Variants in PRDM5 observed in about 807,000 individuals in gnomAD.
PRDM5 encodes the protein PR domain zinc finger protein 5.
Under a neutral mutation model 81.2 loss-of-function variants are expected in PRDM5, and 56 were observed. The ratio of observed to expected loss-of-function variants is 0.69; its 90% CI spans 0.56 to 0.86. PRDM5 has a LOEUF of 0.86. Ranked by LOEUF, PRDM5 falls within the 40% of genes least tolerant of loss-of-function variation. The pLI is 0.00. For missense variants in PRDM5, 697 were observed against 770.1 expected, an observed-to-expected ratio of 0.91 and a Z score of 1.12; for synonymous variants, 267 against 256.4, an observed-to-expected ratio of 1.04 and a Z score of -0.39.
intron 2 of PRDM5, among the ~76,000 whole-genome samples, chr4:120,871,718 T>C (rs928402506): frequency 5.3e-5 from 8 of 151,834 alleles, no homozygotes; most frequent in African/African-American, 1.9e-4. Context: ...ATGCTAAGTA[T>C]CTTAAAATAT....
downstream of PRDM5, chr4:120,684,883 G>T (rs1021144155): frequency 9.2e-5 from 14 of 151,744 alleles, no homozygotes; most frequent in African/African-American, 3.1e-4. Context: ...TTTCAAAGAT[G>T]TAAACTTGTT....
chr4:120,826,810 A>G (rs1209570334), intron 3 of PRDM5, among the ~76,000 whole-genome samples: 1 of 152,140 alleles, frequency 6.6e-6, no homozygotes, highest in East Asian at 1.9e-4. Flanking sequence ...CCATTTCCTG[A>G]CAGACTGTAT....
intron 3 of PRDM5, chr4:120,839,294 G>A (rs1166348847): frequency 1.4e-6 from 1 of 703,028 alleles, no homozygotes. Flanking sequence ...GGAAAAATGA[G>A]GTATACAAAC....
At chr4:120,797,937 A>G (rs1365372310) in intron 10 of PRDM5, among the ~76,000 whole-genome samples, 3 of 152,216 alleles carry the variant, frequency 2.0e-5, no homozygotes, top group African/African-American at 7.2e-5. Flanking sequence ...CCCAAGGATG[A>G]AGAGAATTTC....
At chr4:120,863,301 G>T (rs187062509) in intron 2 of PRDM5, among the ~76,000 whole-genome samples, 1 of 150,288 alleles carries the variant, frequency 6.7e-6, no homozygotes, top group Non-Finnish European at 1.5e-5. Context: ...CTGCACACAG[G>T]TTCCTCCAGA....
At chr4:120,780,333 A>G (rs1482042002) in intron 12 of PRDM5, among the ~76,000 whole-genome samples, 2 of 152,120 alleles carry the variant, frequency 1.3e-5, no homozygotes, top group African/African-American at 4.8e-5. Context: ...AGTCTCAGCT[A>G]CTCGGGAGGT....
At chr4:120,728,499 G>A (rs570114800) in intron 14 of PRDM5, among the ~76,000 whole-genome samples, 15 of 151,956 alleles carry the variant, frequency 9.9e-5, no homozygotes, top group African/African-American at 3.4e-4. Flanking sequence ...TTATTTCAGA[G>A]AACATTTACA....
intron 13 of PRDM5, among the ~76,000 whole-genome samples, chr4:120,770,610 G>A (rs1389902703): frequency 6.6e-6 from 1 of 151,928 alleles, no homozygotes; most frequent in African/African-American, 2.4e-5. Context: ...ATGGACAGCT[G>A]TTTTAAAATA....
chr4:120,862,003 T>C (rs896698251), intron 2 of PRDM5, among the ~76,000 whole-genome samples: 4 of 152,164 alleles, frequency 2.6e-5, no homozygotes, highest in Non-Finnish European at 5.9e-5. Context: ...GCTATTAAAA[T>C]TGAATCCACC....
At chr4:120,735,324 G>T (rs1420766243) in intron 14 of PRDM5, among the ~76,000 whole-genome samples, 2 of 152,092 alleles carry the variant, frequency 1.3e-5, no homozygotes, top group Non-Finnish European at 2.9e-5. Flanking sequence ...TAAACTAAAA[G>T]TTCCTTAAAT....
chr4:120,833,470 A>G (rs1336961256), intron 3 of PRDM5, among the ~76,000 whole-genome samples: 1 of 152,162 alleles, frequency 6.6e-6, no homozygotes, highest in Non-Finnish European at 1.5e-5. Flanking sequence ...AAGTTGTAAA[A>G]TGCTTCCTTT....
chr4:120,754,001 T>C (rs568128957), intron 14 of PRDM5, among the ~76,000 whole-genome samples: 7 of 152,236 alleles, frequency 4.6e-5, no homozygotes, highest in African/African-American at 1.4e-4. Flanking sequence ...ATGACAATAG[T>C]CCAGTGAGAG....
intron 14 of PRDM5, among the ~76,000 whole-genome samples, chr4:120,754,203 A>G (rs549627589): frequency 1.4e-5 from 2 of 141,902 alleles, no homozygotes; most frequent in Non-Finnish European, 1.6e-5. Context: ...TGCAGACTCT[A>G]TTAAAAAATG....
chr4:120,828,839 T>C (rs938428178), intron 3 of PRDM5, among the ~76,000 whole-genome samples: 10 of 152,016 alleles, frequency 6.6e-5, no homozygotes, highest in Admixed American at 3.3e-4. Flanking sequence ...ATCAAGACTA[T>C]CTTCTGGCTT....
chr4:120,845,771 T>C (rs964684388), intron 3 of PRDM5, among the ~76,000 whole-genome samples: 5 of 152,238 alleles, frequency 3.3e-5, no homozygotes, highest in African/African-American at 4.8e-5. Flanking sequence ...GTGATTCCTC[T>C]GGTAGACCTG....
At chr4:120,858,717 C>T (rs1276922843) in intron 2 of PRDM5, among the ~76,000 whole-genome samples, 1 of 152,122 alleles carries the variant, frequency 6.6e-6, no homozygotes, top group Non-Finnish European at 1.5e-5. Context: ...CCTGGGAAAG[C>T]AGATGGAGAG....
At chr4:120,723,781 A>G (rs1400939457) in intron 14 of PRDM5, among the ~76,000 whole-genome samples, 1 of 152,148 alleles carries the variant, frequency 6.6e-6, no homozygotes, top group African/African-American at 2.4e-5. Context: ...GTCAACTAAG[A>G]GAATAATAAA....
intron 8 of PRDM5, among the ~76,000 whole-genome samples, chr4:120,800,400 C>A (rs939491458): frequency 6.6e-6 from 1 of 151,858 alleles, no homozygotes; most frequent in Non-Finnish European, 1.5e-5. Context: ...GTCTGTGGTC[C>A]CAGCTACAAA....
intron 7 of PRDM5, among the ~76,000 whole-genome samples, chr4:120,813,447 T>C (rs1340052372): frequency 1.3e-5 from 2 of 152,172 alleles, no homozygotes; most frequent in African/African-American, 4.8e-5. Flanking sequence ...CTAAAACAAG[T>C]AAAATCAATA....
Sources: allele counts gnomAD v4.1 joint callset (sites outside exome capture counted in the v4.1 genomes callset), GRCh38; gene constraint gnomAD v4.1.1; transcripts MANE v1.5; gene names NCBI Gene and HGNC (gene_info 2026-07-23, HGNC 2026-07-21).